The following MKNK1 variants were observed in gnomAD, a reference collection of about 807,000 sequenced individuals.
MKNK1 encodes MAP kinase-interacting serine/threonine-protein kinase 1.
Under a neutral mutation model 49.3 loss-of-function variants are expected in MKNK1, and 30 were observed. That is an observed-to-expected ratio of 0.61 (90% confidence interval 0.46 to 0.83). The LOEUF (loss-of-function observed/expected upper bound fraction) is 0.83. MKNK1 is among the 40% of genes least tolerant of loss of function. The probability of loss-of-function intolerance (pLI) is 0.00; values close to 1 mark genes in which losing one functional copy is unlikely to be tolerated. For synonymous variants in MKNK1, 176 were observed against 201.7 expected, an observed-to-expected ratio of 0.87 and a Z score of 1.08; for missense variants, 423 against 524.7, an observed-to-expected ratio of 0.81 and a Z score of 1.89.
intron 4 of MKNK1, 38 bp downstream of exon 4, chr1:46,580,492 T>C (rs1303279547): frequency 7.2e-7 from 1 of 1,385,020 alleles, no homozygotes; most frequent in African/African-American, 1.4e-5. Context: ...GAATGACTAT[T>C]TGCAAAGTAA....
In MKNK1 at chr1:46,576,218, A is replaced by G. The variant is rs1001047993; in HGVS notation, c.278+357T>C. The G allele has an allele frequency of 2.8e-5, 7 of 254,024 alleles. No individual in the cohort carries two copies. The East Asian group carries it at 7.7e-4, about 28-fold the overall frequency. The allele number at this position is 254,024 out of a possible 1,614,324, so 15.7% of individuals were successfully genotyped here. On this transcript the variant is annotated intron_variant, in intron 5 of 12. Transcript: ENST00000371945. ...TCTTAACAGTTCTCCTCATCTTGGT[A>G]TTAAGGCAAGTCCTTAAAGATTTCT...
chr1:46,602,827 C>T (rs975618290), intron 1 of MKNK1, among the ~76,000 whole-genome samples: 4 of 152,160 alleles, frequency 2.6e-5, no homozygotes, highest in African/African-American at 9.7e-5. Context: ...AGCACAAGGG[C>T]ACCCATGAAG....
intron 3 of MKNK1, 96 bp from the exon 4 acceptor site, chr1:46,580,723 C>G: frequency 1.2e-6 from 1 of 803,854 alleles, no homozygotes; most frequent in Non-Finnish European, 2.1e-6. Context: ...CCTGATCAGA[C>G]GACACAGGCA....
chr1:46,568,676 G>T, intron 7 of MKNK1, 178 bp from the exon 8 acceptor site: 1 of 621,522 alleles, frequency 1.6e-6, no homozygotes. Flanking sequence ...CAAAAGCACA[G>T]TTGATTCTGC....
Position 46,562,704 on chromosome 1 carries a change from C to A in MKNK1, c.749G>T (p.Gly250Val), listed in dbSNP as rs769807694. 3 of 1,579,278 alleles carry A rather than the reference C, an allele frequency of 1.9e-6. No homozygotes were observed. In the East Asian group the frequency reaches 6.9e-5, roughly 36 times the overall value. ...CCAGCCACAGTCGGCCCCGCAGTGACCCACGAAGGGTGGGTAGCCACTCAG... is the reference window on the plus strand; with the variant it reads ...CCAGCCACAGTCGGCCCCGCAGTGAACCACGAAGGGTGGGTAGCCACTCAG... ...IMLSGYPPFV[G>V]HCGADCGWDR... is the part of the protein sequence containing the mutation. The change falls in exon 10 of 13, where the codon GGT (glycine) becomes GTT (valine). Residue 250 changes from glycine (G) to valine (V), a missense_variant. Coordinates refer to ENST00000371945, the MANE Select transcript of MKNK1 (RefSeq NM_001135553.4).
intron 9 of MKNK1, among the ~76,000 whole-genome samples, chr1:46,563,942 G>A (rs1192624102): frequency 3.5e-5 from 3 of 85,188 alleles, no homozygotes; most frequent in East Asian, 3.5e-4. Context: ...CTACTCGGGA[G>A]GCTGAGGCAG....
chr1:46,590,327 C>T (rs777224839), intron 2 of MKNK1, among the ~76,000 whole-genome samples: 5 of 152,050 alleles, frequency 3.3e-5, no homozygotes, highest in African/African-American at 7.2e-5. Flanking sequence ...AAGTAGTAGC[C>T]GGAGCAGTAT....
chr1:46,604,138 C>T (rs1483388487), intron 1 of MKNK1, 47 bp downstream of exon 1: 1 of 152,314 alleles, frequency 6.6e-6, no homozygotes, highest in African/African-American at 2.4e-5. Flanking sequence ...CTCACAGACC[C>T]CGGCCCCATT....
intron 9 of MKNK1, 24 bp downstream of exon 9, chr1:46,565,017 G>A (rs1272311186): frequency 1.2e-6 from 2 of 1,603,768 alleles, no homozygotes; most frequent in Non-Finnish European, 1.7e-6. Context: ...CAAATACTTA[G>A]GAGCCCAGAG....
intron 1 of MKNK1, among the ~76,000 whole-genome samples, chr1:46,600,624 G>C (rs185855758): frequency 1.6e-4 from 25 of 152,312 alleles, no homozygotes; most frequent in African/African-American, 6.0e-4. Context: ...TCTCACTCAC[G>C]GAGATCTGGG....
intron 1 of MKNK1, chr1:46,594,885 G>T (rs1337447167): frequency 2.5e-6 from 1 of 404,250 alleles, no homozygotes; most frequent in Non-Finnish European, 4.9e-6. Flanking sequence ...TGCTTGGGAG[G>T]CTGAGGTGGG....
chr1:46,581,445 G>GA (rs1671724312), intron 3 of MKNK1, among the ~76,000 whole-genome samples: 2 of 147,176 alleles, frequency 1.4e-5, no homozygotes. Context: ...GAGAGGCGGA[G>GA]GTTGTAGTGA....
rs553704190 is a variant in MKNK1, at chr1:46,577,486, A to G, written c.199-832T>C. ...ACAGAGAGACTCCATCTCAAAAAAT[A>G]AATAAATAAATAAATAAATAAACAA... is the stretch of plus-strand genomic sequence containing the variant. On this transcript the variant is annotated intron_variant, in intron 4 of 12. Transcript: ENST00000371945. 2.7e-5 allele frequency among the ~76,000 whole-genome samples: 4 copies of G among 149,464 alleles called. No homozygotes were observed. In the South Asian group the frequency reaches 8.6e-4, roughly 32 times the overall value.
At chr1:46,595,899 G>C (rs1454344602) in intron 1 of MKNK1, among the ~76,000 whole-genome samples, 1 of 152,116 alleles carries the variant, frequency 6.6e-6, no homozygotes, top group African/African-American at 2.4e-5. Flanking sequence ...CTACAGGCAC[G>C]AGCCACCACG....
At chr1:46,571,458 C>T in intron 7 of MKNK1, 1 of 351,104 alleles carries the variant, frequency 2.8e-6, no homozygotes. Flanking sequence ...GGGAGGATCA[C>T]TGGAGCCCAG....
intron 2 of MKNK1, among the ~76,000 whole-genome samples, chr1:46,590,399 T>C (rs1373984079): frequency 6.6e-6 from 1 of 152,218 alleles, no homozygotes; most frequent in Non-Finnish European, 1.5e-5. Context: ...CTGCTTACTG[T>C]AGGCCAGGCA....
At chr1:46,560,923 G>A (rs1667845854) in intron 11 of MKNK1, among the ~76,000 whole-genome samples, 1 of 152,228 alleles carries the variant, frequency 6.6e-6, no homozygotes, top group South Asian at 2.1e-4. Context: ...GCATCTGGCA[G>A]ACCCCTTGGA....
chr1:46,576,544 A>C (rs1553201076), intron 5 of MKNK1, 31 bp downstream of exon 5: 1 of 1,586,860 alleles, frequency 6.3e-7, no homozygotes, highest in South Asian at 1.1e-5. Context: ...GCGTCCCCCC[A>C]GAGAAGCAGC....
chr1:46,574,092 G>A (rs796686753), intron 6 of MKNK1: 4 of 152,278 alleles, frequency 2.6e-5, no homozygotes, highest in African/African-American at 9.6e-5. Flanking sequence ...AATATTAGCA[G>A]CCAACATTTA....
Sources: allele counts gnomAD v4.1 joint callset (sites outside exome capture counted in the v4.1 genomes callset), GRCh38; gene constraint gnomAD v4.1.1; transcripts MANE v1.5; gene names NCBI Gene and HGNC (gene_info 2026-07-23, HGNC 2026-07-21).